MAGI2: variants seen among roughly 807,000 people sequenced by gnomAD.
MAGI2 encodes membrane-associated guanylate kinase, WW and PDZ domain-containing protein 2.
Under a neutral mutation model 133.3 loss-of-function variants are expected in MAGI2, and 35 were observed. The observed-to-expected ratio is 0.26, with a 90% CI of 0.20 to 0.35. MAGI2 has a LOEUF of 0.35. Ranked by LOEUF, MAGI2 falls within the 10% of genes least tolerant of loss-of-function variation. The pLI is 1.00. For synonymous variants in MAGI2, 729 were observed against 710.6 expected (o/e 1.03, Z -0.41); for missense variants, 1,636 against 1,863.4 (o/e 0.88, Z 2.25).
At chr7:79,320,001 A>G (rs562462389) in intron 1 of MAGI2, among the ~76,000 whole-genome samples, 1 of 152,278 alleles carries the variant, frequency 6.6e-6, no homozygotes, top group African/African-American at 2.4e-5. Context: ...TGCATAGGTT[A>G]AGTAACAGAA....
At chr7:79,162,708 G>A (rs1363853352) in intron 1 of MAGI2, among the ~76,000 whole-genome samples, 1 of 152,026 alleles carries the variant, frequency 6.6e-6, no homozygotes, top group Non-Finnish European at 1.5e-5. Flanking sequence ...TCCCAATTAT[G>A]AGTTGTGAAG....
intron 1 of MAGI2, among the ~76,000 whole-genome samples, chr7:79,346,893 T>C (rs987336320): frequency 3.9e-5 from 6 of 152,026 alleles, no homozygotes; most frequent in Admixed American, 6.6e-5. Context: ...TTATTGCTCA[T>C]TGAATTCACA....
intron 2 of MAGI2, among the ~76,000 whole-genome samples, chr7:78,666,702 A>G (rs1168562437): frequency 1.3e-5 from 2 of 152,198 alleles, no homozygotes; most frequent in Non-Finnish European, 2.9e-5. Flanking sequence ...ACTTTTATGA[A>G]TAATACTCAA....
intron 2 of MAGI2, among the ~76,000 whole-genome samples, chr7:78,751,157 G>T (rs1823420479): frequency 6.6e-6 from 1 of 152,122 alleles, no homozygotes; most frequent in Admixed American, 6.5e-5. Context: ...ACAAAACTTT[G>T]TAAAAAGTTT....
At chr7:78,025,821 T>G (rs995713837) in intron 21 of MAGI2, among the ~76,000 whole-genome samples, 1 of 152,114 alleles carries the variant, frequency 6.6e-6, no homozygotes, top group Non-Finnish European at 1.5e-5. Flanking sequence ...TGGACAGGGA[T>G]GAAGAGAAGC....
At chr7:78,045,122 G>T (rs574630522) in intron 21 of MAGI2, among the ~76,000 whole-genome samples, 1 of 152,084 alleles carries the variant, frequency 6.6e-6, no homozygotes. Context: ...AGCCGAGATC[G>T]CACCACTGAA....
intron 2 of MAGI2, among the ~76,000 whole-genome samples, chr7:78,914,960 A>G (rs1172126374): frequency 6.6e-6 from 1 of 152,160 alleles, no homozygotes; most frequent in South Asian, 2.1e-4. Context: ...GGTAGAAAAT[A>G]CAGAAGTCAT....
intron 10 of MAGI2, among the ~76,000 whole-genome samples, chr7:78,236,631 G>T (rs1374807048): frequency 6.6e-6 from 1 of 152,100 alleles, no homozygotes; most frequent in Non-Finnish European, 1.5e-5. Context: ...ACTGATGAAG[G>T]TAAATGTTAA....
chr7:78,893,576 T>C (rs1283038273), intron 2 of MAGI2, among the ~76,000 whole-genome samples: 2 of 152,162 alleles, frequency 1.3e-5, no homozygotes, highest in African/African-American at 4.8e-5. Context: ...TCATGTCCTT[T>C]GTAGGGACCT....
chr7:78,854,768 C>T (rs765199874), intron 2 of MAGI2, among the ~76,000 whole-genome samples: 33 of 151,746 alleles, frequency 2.2e-4, no homozygotes, highest in Middle Eastern at 3.4e-3. Context: ...TTTCTCTGTA[C>T]TTCTTGTTAC....
intron 6 of MAGI2, among the ~76,000 whole-genome samples, chr7:78,370,702 C>T (rs1253793458): frequency 2.0e-5 from 3 of 151,892 alleles, no homozygotes; most frequent in Admixed American, 2.0e-4. Context: ...TCCACAATTC[C>T]TCATCCAAAA....
chr7:78,443,955 T>C (rs942041951), intron 6 of MAGI2, among the ~76,000 whole-genome samples: 5 of 152,156 alleles, frequency 3.3e-5, no homozygotes, highest in African/African-American at 1.2e-4. Flanking sequence ...AGAGATTTTC[T>C]TTATGTTCTT....
chr7:79,449,454 G>T (rs1366785878), intron 1 of MAGI2, among the ~76,000 whole-genome samples: 1 of 151,286 alleles, frequency 6.6e-6, no homozygotes, highest in Non-Finnish European at 1.5e-5. Flanking sequence ...TGCAATAGCA[G>T]CCATAGTGCA....
chr7:79,268,728 C>G (rs1236801260), intron 1 of MAGI2, among the ~76,000 whole-genome samples: 3 of 152,040 alleles, frequency 2.0e-5, no homozygotes, highest in African/African-American at 7.2e-5. Flanking sequence ...CTCTGAAGTT[C>G]TGTATGGCAA....
intron 1 of MAGI2, among the ~76,000 whole-genome samples, chr7:79,011,920 CCTTCCTTTCTTTCTTT>C (rs1473720370): frequency 2.4e-5 from 3 of 123,424 alleles, no homozygotes; most frequent in Non-Finnish European, 1.6e-5. Context: ...TTCCTTCCTT[CCTTCCTTTCTTTCTTT>C]CTTTCTTTCT....
In MAGI2 at chr7:78,148,304, T is replaced by A. The variant is rs1823520830; in HGVS notation, c.2845+11721A>T. On this transcript the variant is annotated intron_variant, in intron 16 of 21. Coordinates refer to ENST00000354212, the MANE Select transcript of MAGI2 (RefSeq NM_012301.4). ...AAGCCAGACTGAAAAGGCTACATGCTGTATCATTCCATTTATATAGGAGAG... is the reference window on the plus strand; with the variant it reads ...AAGCCAGACTGAAAAGGCTACATGCAGTATCATTCCATTTATATAGGAGAG... Among the ~76,000 whole-genome samples, 5 of 152,190 alleles carry A rather than the reference T, an allele frequency of 3.3e-5. No individual in the cohort carries two copies. In the South Asian group the frequency reaches 1.0e-3, roughly 32 times the overall value.
intron 1 of MAGI2, among the ~76,000 whole-genome samples, chr7:79,120,334 T>C (rs1819778386): frequency 6.6e-6 from 1 of 152,072 alleles, no homozygotes; most frequent in South Asian, 2.1e-4. Flanking sequence ...AGAGGGTTCA[T>C]TGGGAATTTG....
At chr7:79,247,828 A>T (rs534208984) in intron 1 of MAGI2, among the ~76,000 whole-genome samples, 1 of 152,222 alleles carries the variant, frequency 6.6e-6, no homozygotes, top group Non-Finnish European at 1.5e-5. Flanking sequence ...AATATTTGAA[A>T]TTTTCATGGT....
chr7:78,279,854 G>A (rs180756082), intron 9 of MAGI2, among the ~76,000 whole-genome samples: 6 of 152,218 alleles, frequency 3.9e-5, no homozygotes, highest in Admixed American at 3.9e-4. Context: ...TAACTAAAGC[G>A]GCAGTGCTTA....
Sources: gnomAD v4.1 joint callset for allele counts (sites outside exome capture counted in the v4.1 genomes callset) on GRCh38, gnomAD v4.1.1 for gene constraint, MANE v1.5 for transcripts, NCBI Gene and HGNC (gene_info 2026-07-23, HGNC 2026-07-21) for gene names.